Variants in DEDD2 observed in about 807,000 individuals in gnomAD.
DEDD2 encodes death effector domain containing 2.
Under a neutral mutation model 28.9 loss-of-function variants are expected in DEDD2, and 18 were observed. That is an observed-to-expected ratio of 0.62 (90% CI 0.43 to 0.92). The LOEUF is 0.92. DEDD2 is among the 40% of genes least tolerant of loss of function. The pLI, the probability that DEDD2 is intolerant of heterozygous loss-of-function variation, is 0.00. For missense variants in DEDD2, 411 were observed against 463.3 expected, an observed-to-expected ratio of 0.89 and a Z score of 1.04; for synonymous variants, 211 against 206.1, an observed-to-expected ratio of 1.02 and a Z score of -0.20.
At chr19:42,204,064 G>A (rs2035435743) in intron 4 of DEDD2, among the ~76,000 whole-genome samples, 1 of 152,182 alleles carries the variant, frequency 6.6e-6, no homozygotes, top group Non-Finnish European at 1.5e-5. Context: ...CTGCACTCAG[G>A]TGGGCCCAGC....
chr19:42,200,543 C>T (rs1050343429), intron 4 of DEDD2, among the ~76,000 whole-genome samples: 3 of 152,242 alleles, frequency 2.0e-5, no homozygotes, highest in Non-Finnish European at 4.4e-5. Flanking sequence ...TGACCAGGCC[C>T]GGGAGGCTTG....
At chr19:42,217,716 T>G (rs2036043084), upstream of DEDD2, 1 of 152,450 alleles carries the variant, frequency 6.6e-6, no homozygotes, top group African/African-American at 2.4e-5. Flanking sequence ...TTATTACGCC[T>G]GCGTCACCTC....
intron 1 of DEDD2, 113 bp from the exon 2 acceptor site, chr19:42,217,158 C>T: frequency 2.6e-6 from 2 of 764,754 alleles, no homozygotes; most frequent in African/African-American, 1.8e-5. Context: ...GCTCCCGCAC[C>T]CCCAACCGCC....
chr19:42,215,000 AACACACACACAC>A (rs35862480), intron 3 of DEDD2, 121 bp downstream of exon 3: 47 of 1,041,402 alleles, frequency 4.5e-5, no homozygotes, highest in African/African-American at 2.2e-4. Flanking sequence ...TGTAGCAATA[AACACACACACAC>A]ACACACACAC....
chr19:42,206,871 C>G (rs1201278492), intron 4 of DEDD2, among the ~76,000 whole-genome samples: 1 of 152,170 alleles, frequency 6.6e-6, no homozygotes, highest in Non-Finnish European at 1.5e-5. Flanking sequence ...TAAGCCATTC[C>G]ATTTTTCAGA....
Position 42,216,684 on chromosome 19 carries a change from C to A in DEDD2, c.324G>T (p.Arg108=), listed in dbSNP as rs774557566. ...CACCCTCCCATTCAACCGTACCTGG[C>A]CGGCGCCGCTTGCGCGCCAGGTGCG... The part of the protein sequence containing the change: ...LLPHLARKRR[R]PVSPERYSYG... The change falls in exon 2 of 5, where the codon CGG becomes CGT. Residue 108 remains arginine, a synonymous_variant. Coordinates refer to ENST00000596251, the MANE Select transcript of DEDD2 (RefSeq NM_133328.4). The A allele has an allele frequency of 1.9e-6, 3 of 1,572,114 alleles. No individual in the cohort carries two copies. The highest frequency in any genetic ancestry group is 1.7e-6 in the Non-Finnish European group (2 of 1,164,560).
chr19:42,205,929 A>G (rs1277701394), intron 4 of DEDD2, among the ~76,000 whole-genome samples: 1 of 151,944 alleles, frequency 6.6e-6, no homozygotes, highest in Non-Finnish European at 1.5e-5. Flanking sequence ...AAAAAAACAC[A>G]CAGAAATTAG....
chr19:42,205,535 G>A (rs1321148958), intron 4 of DEDD2, among the ~76,000 whole-genome samples: 1 of 152,082 alleles, frequency 6.6e-6, no homozygotes, highest in African/African-American at 2.4e-5. Context: ...GCTGAGGCAG[G>A]AGAATCGCTT....
chr19:42,209,451 G>A (rs1262492124), intron 4 of DEDD2, among the ~76,000 whole-genome samples: 1 of 152,246 alleles, frequency 6.6e-6, no homozygotes, highest in African/African-American at 2.4e-5. Flanking sequence ...ATACACAAAT[G>A]AAACTAGGGC....
rs755629802 is a variant in DEDD2, at chr19:42,216,853, G to C, written c.155C>G (p.Ala52Gly). 1.1e-5 allele frequency: 17 copies of C among 1,591,488 alleles called. No homozygotes were observed. In the East Asian group the frequency reaches 3.2e-4, roughly 30 times the overall value. ...LELLAFLLDE[A>G]PGAAGGLARA... is the part of the protein sequence containing the mutation. The stretch of plus-strand genomic sequence containing the variant: ...GGCTAAGCCTCCGGCGGCGCCAGGA[G>C]CCTCATCCAGCAGAAAGGCCAGGAG... The change falls in exon 2 of 5, where the codon GCT becomes GGT. Residue 52 changes from alanine (A) to glycine (G), a missense_variant. By Grantham distance (60) the Ala-to-Gly change is moderately conservative. Transcript: ENST00000596251.
chr19:42,217,331 C>T (rs867047655), intron 1 of DEDD2, among the ~76,000 whole-genome samples: 4 of 151,922 alleles, frequency 2.6e-5, no homozygotes, highest in Admixed American at 6.6e-5. Context: ...CCTCGGGGCC[C>T]ACCCCGGGGC....
At chr19:42,217,254 G>A (rs1031414786) in intron 1 of DEDD2, among the ~76,000 whole-genome samples, 5 of 152,036 alleles carry the variant, frequency 3.3e-5, no homozygotes, top group Admixed American at 6.5e-5. Context: ...CTCGGCTTCT[G>A]CCCCCACCAC....
intron 4 of DEDD2, chr19:42,202,196 A>G: frequency 2.5e-6 from 1 of 397,778 alleles, no homozygotes; most frequent in Non-Finnish European, 4.4e-6. Context: ...CAGGAACTGT[A>G]ATTTCGACAC....
chr19:42,209,216 G>GAGAGAC (rs2035650386), intron 4 of DEDD2, among the ~76,000 whole-genome samples: 1 of 151,990 alleles, frequency 6.6e-6, no homozygotes, highest in African/African-American at 2.4e-5. Context: ...ACTCCAGCCT[G>GAGAGAC]AGAGACAGAG....
intron 3 of DEDD2, among the ~76,000 whole-genome samples, chr19:42,210,193 T>C (rs1413163929): frequency 6.6e-6 from 1 of 152,030 alleles, no homozygotes; most frequent in Non-Finnish European, 1.5e-5. Flanking sequence ...AACAGGAATA[T>C]AGGGAGATGT....
intron 2 of DEDD2, among the ~76,000 whole-genome samples, chr19:42,216,391 A>C (rs1316699426): frequency 6.6e-6 from 1 of 152,220 alleles, no homozygotes; most frequent in East Asian, 1.9e-4. Context: ...TTGTGAGATT[A>C]CTGGGAGACT....
At chr19:42,206,348 G>T (rs1443466308) in intron 4 of DEDD2, among the ~76,000 whole-genome samples, 2 of 151,954 alleles carry the variant, frequency 1.3e-5, no homozygotes, top group African/African-American at 2.4e-5. Flanking sequence ...TCTCCATCGG[G>T]AACACCCTTC....
chr19:42,215,424 G>A (rs1162723421), intron 2 of DEDD2, among the ~76,000 whole-genome samples, 172 bp from the exon 3 acceptor site: 1 of 152,226 alleles, frequency 6.6e-6, no homozygotes, highest in Admixed American at 6.5e-5. Flanking sequence ...CTAAGAGAGA[G>A]AACTTATCAC....
chr19:42,207,285 G>A (rs1599765260), intron 4 of DEDD2, among the ~76,000 whole-genome samples: 3 of 152,200 alleles, frequency 2.0e-5, no homozygotes, highest in Admixed American at 6.5e-5. Context: ...CCCACTCCCT[G>A]GAGGGCCATT....
Sources: allele counts gnomAD v4.1 joint callset (sites outside exome capture counted in the v4.1 genomes callset), GRCh38; gene constraint gnomAD v4.1.1; transcripts MANE v1.5; gene names NCBI Gene and HGNC (gene_info 2026-07-23, HGNC 2026-07-21).